Variants in NALCN observed in about 807,000 individuals in gnomAD.
NALCN encodes sodium leak channel NALCN.
NALCN carries 111 observed loss-of-function variants against 225.3 expected under a neutral mutation model. The ratio of observed to expected loss-of-function variants is 0.49; its 90% CI spans 0.42 to 0.58. The LOEUF (loss-of-function observed/expected upper bound fraction) is 0.58, where lower values mean the gene tolerates loss of function less well. NALCN is among the 20% of genes least tolerant of loss of function. The probability of loss-of-function intolerance (pLI) is 0.00; values close to 1 mark genes in which losing one functional copy is unlikely to be tolerated. For missense variants in NALCN, 1,378 were observed against 2,202.4 expected (o/e 0.63, Z 7.49); for synonymous variants, 764 against 769.0 (o/e 0.99, Z 0.11).
At chr13:101,065,061 C>T (rs748748184) in intron 40 of NALCN, among the ~76,000 whole-genome samples, 3 of 152,206 alleles carry the variant, frequency 2.0e-5, no homozygotes, top group Non-Finnish European at 2.9e-5. Flanking sequence ...AGTCACTCAG[C>T]TCTTCTGGGC....
At chr13:101,280,840 A>G (rs771276849) in intron 10 of NALCN, among the ~76,000 whole-genome samples, 7 of 151,338 alleles carry the variant, frequency 4.6e-5, no homozygotes, top group Non-Finnish European at 1.0e-4. Context: ...GGGTTGTAGT[A>G]AACCTCATCC....
intron 10 of NALCN, among the ~76,000 whole-genome samples, chr13:101,263,752 G>A (rs1037686578): frequency 6.6e-6 from 1 of 152,160 alleles, no homozygotes; most frequent in African/African-American, 2.4e-5. Context: ...TTGCTTAGCT[G>A]ACTTTCTCCA....
chr13:101,360,221 T>TCTCTCTCG (rs2046210454), intron 6 of NALCN, among the ~76,000 whole-genome samples: 1 of 144,086 alleles, frequency 6.9e-6, no homozygotes, highest in Non-Finnish European at 1.5e-5. Context: ...TCTCTCTCTC[T>TCTCTCTCG]CTCTCTCTCC....
At chr13:101,168,508 C>T (rs1041577545) in intron 15 of NALCN, among the ~76,000 whole-genome samples, 1 of 152,110 alleles carries the variant, frequency 6.6e-6, no homozygotes, top group African/African-American at 2.4e-5. Context: ...GGGTGACATC[C>T]CTGTGTCCTG....
intron 2 of NALCN, among the ~76,000 whole-genome samples, chr13:101,398,300 T>G (rs1348814892): frequency 6.6e-6 from 1 of 152,074 alleles, no homozygotes; most frequent in East Asian, 1.9e-4. Context: ...AAGCAGATCA[T>G]GTGTGTATCA....
At chr13:101,263,139 G>A (rs142349867) in intron 10 of NALCN, among the ~76,000 whole-genome samples, 1 of 152,164 alleles carries the variant, frequency 6.6e-6, no homozygotes, top group Non-Finnish European at 1.5e-5. Flanking sequence ...CAGTGACATC[G>A]GGAAAGTAGA....
chr13:101,226,756 C>T (rs550645365), intron 13 of NALCN, among the ~76,000 whole-genome samples: 26 of 152,286 alleles, frequency 1.7e-4, no homozygotes, highest in African/African-American at 6.3e-4. Context: ...GAGGGACTTG[C>T]AATTTATGAC....
At chr13:101,242,224 G>A (rs149771838) in intron 11 of NALCN, among the ~76,000 whole-genome samples, 3,048 of 105,792 alleles carry the variant, frequency 0.029, 995 homozygotes, top group South Asian at 0.056. Context: ...AACAAAATGT[G>A]CCAAAGTTAT....
chr13:101,096,178 C>T (rs765136191), intron 27 of NALCN, among the ~76,000 whole-genome samples: 1 of 152,142 alleles, frequency 6.6e-6, no homozygotes, highest in Non-Finnish European at 1.5e-5. Flanking sequence ...CCTCAAACCA[C>T]TAACACAGAG....
chr13:101,131,829 G>C (rs1300556758), intron 17 of NALCN, among the ~76,000 whole-genome samples: 1 of 151,972 alleles, frequency 6.6e-6, no homozygotes, highest in Non-Finnish European at 1.5e-5. Context: ...GTTTTCATGT[G>C]GGAATTCAAG....
At chr13:101,067,638 G>A (rs2032532973) in intron 39 of NALCN, among the ~76,000 whole-genome samples, 1 of 152,118 alleles carries the variant, frequency 6.6e-6, no homozygotes, top group South Asian at 2.1e-4. Flanking sequence ...TCTGGCCTGA[G>A]CCCAAGGCTG....
intron 11 of NALCN, among the ~76,000 whole-genome samples, chr13:101,252,178 G>A (rs369416167): frequency 2.0e-5 from 3 of 152,128 alleles, no homozygotes; most frequent in East Asian, 1.9e-4. Context: ...GTCACACATC[G>A]ATGGCCATAT....
chr13:101,134,365 C>T (rs2036664440), intron 17 of NALCN, among the ~76,000 whole-genome samples: 1 of 152,320 alleles, frequency 6.6e-6, no homozygotes, highest in South Asian at 2.1e-4. Context: ...ACAAGTTGAT[C>T]CCTGCCCTGT....
intron 17 of NALCN, among the ~76,000 whole-genome samples, chr13:101,130,060 T>C (rs189516000): frequency 6.6e-6 from 1 of 152,328 alleles, no homozygotes. Flanking sequence ...CATTCTTTTA[T>C]ATGGCTGCAT....
intron 34 of NALCN, among the ~76,000 whole-genome samples, chr13:101,076,705 C>T (rs1293201288): frequency 3.3e-5 from 5 of 152,144 alleles, no homozygotes; most frequent in Non-Finnish European, 7.4e-5. Context: ...ACTTTCCTTC[C>T]CAATAGTCCA....
intron 28 of NALCN, among the ~76,000 whole-genome samples, chr13:101,092,740 T>C (rs575778485): frequency 6.6e-6 from 1 of 152,230 alleles, no homozygotes; most frequent in Admixed American, 6.5e-5. Flanking sequence ...GTACAGGCCC[T>C]TCTGAGATGT....
At chr13:101,208,870 G>C (rs2040420750) in intron 13 of NALCN, among the ~76,000 whole-genome samples, 1 of 152,158 alleles carries the variant, frequency 6.6e-6, no homozygotes, top group African/African-American at 2.4e-5. Context: ...GCAGACGCTG[G>C]TGCTACACTT....
chr13:101,294,109 C>A lies in NALCN; in HGVS notation c.800-1743G>T, dbSNP rs74117846. Among the ~76,000 whole-genome samples the A allele has an allele frequency of 9.0e-3, 1,369 of 152,176 alleles. 24 individuals are homozygous for A. The highest frequency in any genetic ancestry group is 0.031 in the African/African-American group (1,300 of 41,516). ...GTCTCCAAGGTGGAAAGTGGTAGAA[C>A]CAGAAATTGAACCCATATCATCAGG... On this transcript the variant is annotated intron_variant, in intron 7 of 43. Transcript: ENST00000251127.
At chr13:101,340,494 GT>G (rs1390817597) in intron 7 of NALCN, among the ~76,000 whole-genome samples, 1 of 152,050 alleles carries the variant, frequency 6.6e-6, no homozygotes, top group Non-Finnish European at 1.5e-5. Context: ...CCAATTTCTA[GT>G]TCATTCTGCG....
Sources: allele counts gnomAD v4.1 joint callset (sites outside exome capture counted in the v4.1 genomes callset), GRCh38; gene constraint gnomAD v4.1.1; transcripts MANE v1.5; gene names NCBI Gene and HGNC (gene_info 2026-07-23, HGNC 2026-07-21).